Variants in ATP2A2 observed in about 807,000 individuals in gnomAD.
ATP2A2 encodes the protein sarcoplasmic/endoplasmic reticulum calcium ATPase 2.
A neutral mutation model predicts 109.3 loss-of-function variants in ATP2A2; 14 were observed. The observed-to-expected ratio is 0.13, with a 90% CI of 0.08 to 0.20. The LOEUF (loss-of-function observed/expected upper bound fraction) is 0.20, where lower values mean the gene tolerates loss of function less well. Among genes scored for constraint, ATP2A2 ranks in the 10% least tolerant of loss-of-function variants. The pLI is 1.00. For synonymous variants in ATP2A2, 506 were observed against 490.9 expected (o/e 1.03, Z -0.41); for missense variants, 657 against 1,321.6 (o/e 0.50, Z 7.80).
intron 18 of ATP2A2, 31 bp from the exon 19 acceptor site, chr12:110,345,970 G>T (rs994234549): frequency 1.9e-6 from 3 of 1,606,772 alleles, no homozygotes; most frequent in East Asian, 2.2e-5. Context: ...TGCCTTGGGG[G>T]TGCGTTTCCC....
At chr12:110,338,707 TTCA>T (rs1879077743) in intron 11 of ATP2A2, among the ~76,000 whole-genome samples, 1 of 152,216 alleles carries the variant, frequency 6.6e-6, no homozygotes, top group South Asian at 2.1e-4. Context: ...CCCGACCACC[TTCA>T]GCCAATTCTT....
rs1178977431 is a variant in ATP2A2, at chr12:110,293,367, C to CT, written c.324+1264dup. Among the ~76,000 whole-genome samples the CT allele has an allele frequency of 8.2e-3, 652 of 79,620 alleles. 5 individuals carry two copies. The highest frequency in any genetic ancestry group is 0.015 in the African/African-American group (292 of 18,932). 52.2% of individuals were successfully genotyped at this position (79,620 alleles called of 152,430 possible). On this transcript the variant is annotated intron_variant, in intron 4 of 19. Coordinates refer to ENST00000539276, the MANE Select transcript of ATP2A2 (RefSeq NM_170665.4). ...ACAGGTGTGAGCCACCACTCCCGGC[C>CT]TTTTTTTTTTTTTTTTTTTTTGTTT... is the stretch of plus-strand genomic sequence containing the variant.
In ATP2A2 at chr12:110,342,115, A is replaced by G. The variant is rs1879411229; in HGVS notation, c.2098-113A>G. ...ACAAAAATTCTAAAACTCTTTGCCA[A>G]GAGACCTACGGCTCTATTCATTTTC... On this transcript the variant is annotated intron_variant, in intron 14 of 19. Coordinates refer to ENST00000539276, the MANE Select transcript of ATP2A2 (RefSeq NM_170665.4). The surrounding 1 kb of genome is among the most constrained non-coding windows in gnomAD (Gnocchi z 4.6). 1 of 1,207,810 alleles carries G rather than the reference A, an allele frequency of 8.3e-7. No homozygotes were observed. The highest frequency in any genetic ancestry group is 1.2e-5 in the South Asian group (1 of 81,126). The allele number at this position is 1,207,810 out of a possible 1,614,324, so 74.8% of individuals were successfully genotyped here. A position where few individuals can be genotyped will look rare whatever the true frequency, so the allele number is the denominator to read the frequency against.
chr12:110,347,495 A>G lies in ATP2A2; in HGVS notation c.*1025A>G. On this transcript the variant is annotated 3_prime_UTR_variant, in exon 20 of 20. Coordinates refer to ENST00000539276, the MANE Select transcript of ATP2A2 (RefSeq NM_170665.4). ...ATTGTATTCTTAATGTACAGGCACTAATTGTCATCTGTGATGTACATTTTA... is the reference window on the plus strand; with the variant it reads ...ATTGTATTCTTAATGTACAGGCACTGATTGTCATCTGTGATGTACATTTTA... 7.8e-7 allele frequency: 1 copy of G among 1,289,116 alleles called. No individual in the cohort carries two copies. The allele number at this position is 1,289,116 out of a possible 1,614,324, so 79.9% of individuals were successfully genotyped here.
intron 6 of ATP2A2, among the ~76,000 whole-genome samples, chr12:110,324,181 A>G (rs142039165): frequency 1.3e-3 from 203 of 152,344 alleles, no homozygotes; most frequent in African/African-American, 4.4e-3. Flanking sequence ...TAAAGTCTAA[A>G]GGCTCTCAAG....
chr12:110,334,258 C>A, intron 11 of ATP2A2, 115 bp downstream of exon 11: 1 of 1,294,490 alleles, frequency 7.7e-7, no homozygotes, highest in Non-Finnish European at 1.1e-6. Context: ...TCTCCTCAAA[C>A]TTACAGTATT....
At chr12:110,305,600 T>G (rs1020111928) in intron 5 of ATP2A2, among the ~76,000 whole-genome samples, 1 of 152,250 alleles carries the variant, frequency 6.6e-6, no homozygotes, top group African/African-American at 2.4e-5. Flanking sequence ...ACTCCATTGA[T>G]CTCTGTCTTT....
At position 110,347,208 on chromosome 12, in the gene ATP2A2, A is replaced by G; in HGVS notation, c.*738A>G. 8.4e-7 allele frequency: 1 copy of G among 1,193,526 alleles called. No homozygotes were observed. Among genetic ancestry groups the G allele is most frequent in the South Asian group, 1.6e-5 (1 of 63,824 alleles). 73.9% of individuals were successfully genotyped at this position (1,193,526 alleles called of 1,614,324 possible). A position where few individuals can be genotyped will look rare whatever the true frequency, so the allele number is the denominator to read the frequency against. Reference sequence around the variant, plus strand: ...CTTCACATAGTTTTTAAGGTTATTTATTTAAATGTCTAATGTATTTTATTG... The same window carrying G: ...CTTCACATAGTTTTTAAGGTTATTTGTTTAAATGTCTAATGTATTTTATTG... On this transcript the variant is annotated 3_prime_UTR_variant, in exon 20 of 20. Coordinates refer to ENST00000539276, the MANE Select transcript of ATP2A2 (RefSeq NM_170665.4).
chr12:110,330,152 T>C (rs559318628), intron 8 of ATP2A2: 2 of 152,332 alleles, frequency 1.3e-5, no homozygotes, highest in African/African-American at 4.8e-5. Flanking sequence ...TCTTGGCCTT[T>C]TTGTCAGGTT....
chr12:110,325,112 C>T, intron 6 of ATP2A2, among the ~76,000 whole-genome samples: 1 of 151,590 alleles, frequency 6.6e-6, no homozygotes, highest in Non-Finnish European at 1.5e-5. Flanking sequence ...CACACCCAGC[C>T]TATAATAAAA....
chr12:110,339,822 A>G lies in ATP2A2; in HGVS notation c.1761+101A>G. ...GGTCAAACAGTTCTCACTTTTGCCA[A>G]GAAAGAGGTGTGGTTATTTGTTTTT... is the stretch of plus-strand genomic sequence containing the variant. On this transcript the variant is annotated intron_variant, in intron 13 of 19. Transcript: ENST00000539276. The surrounding 1 kb of genome is among the most constrained non-coding windows in gnomAD (Gnocchi z 4.4). 1 of 1,305,916 alleles carries G rather than the reference A, an allele frequency of 7.7e-7. No individual in the cohort carries two copies. The highest frequency in any genetic ancestry group is 1.1e-6 in the Non-Finnish European group (1 of 921,904). 80.9% of individuals were successfully genotyped at this position (1,305,916 alleles called of 1,614,324 possible). A position where few individuals can be genotyped will look rare whatever the true frequency, so the allele number is the denominator to read the frequency against.
chr12:110,301,653 C>A (rs961074212), intron 5 of ATP2A2, among the ~76,000 whole-genome samples: 2 of 152,230 alleles, frequency 1.3e-5, no homozygotes, highest in Non-Finnish European at 2.9e-5. Flanking sequence ...ATTCTCCACA[C>A]AAGTGCCAGA....
chr12:110,307,924 G>A (rs1384976154), intron 5 of ATP2A2, among the ~76,000 whole-genome samples: 2 of 152,208 alleles, frequency 1.3e-5, no homozygotes, highest in African/African-American at 4.8e-5. Context: ...GCTTAGGGCA[G>A]TGTTGAGAAG....
At chr12:110,308,342 T>A in intron 5 of ATP2A2, among the ~76,000 whole-genome samples, 1 of 152,046 alleles carries the variant, frequency 6.6e-6, no homozygotes, top group East Asian at 1.9e-4. Flanking sequence ...GTGACATAGG[T>A]GTGGGTCTCA....
intron 3 of ATP2A2, among the ~76,000 whole-genome samples, chr12:110,285,260 A>G (rs1466522588): frequency 2.0e-5 from 3 of 152,172 alleles, no homozygotes; most frequent in Non-Finnish European, 4.4e-5. Context: ...TGTTTTTTTG[A>G]AACGGTCACT....
chr12:110,294,042 G>A (rs1317540412), intron 4 of ATP2A2, among the ~76,000 whole-genome samples: 1 of 150,434 alleles, frequency 6.6e-6, no homozygotes, highest in Admixed American at 6.6e-5. Context: ...ATGCCTGGCT[G>A]TTGTTTTTTT....
chr12:110,295,109 A>G (rs1018068984), intron 4 of ATP2A2, among the ~76,000 whole-genome samples: 1 of 151,996 alleles, frequency 6.6e-6, no homozygotes, highest in African/African-American at 2.4e-5. Flanking sequence ...GTGAGCCACC[A>G]TGCCCAGCCT....
chr12:110,285,529 G>T (rs1872571557), intron 3 of ATP2A2, among the ~76,000 whole-genome samples: 1 of 152,156 alleles, frequency 6.6e-6, no homozygotes, highest in South Asian at 2.1e-4. Context: ...AACAGACAGA[G>T]ACCCTTACCT....
chr12:110,322,969 C>T (rs779702759), intron 5 of ATP2A2, 23 bp from the exon 6 acceptor site: 15 of 1,572,760 alleles, frequency 9.5e-6, no homozygotes, highest in Admixed American at 5.0e-5. Context: ...TCATTTCAGC[C>T]GCCTTTTTTT....
Sources: allele counts gnomAD v4.1 joint callset (sites outside exome capture counted in the v4.1 genomes callset), GRCh38; gene constraint gnomAD v4.1.1; non-coding constraint Gnocchi (gnomAD v3.1); transcripts MANE v1.5; gene names NCBI Gene and HGNC (gene_info 2026-07-23, HGNC 2026-07-21).